CUL5: variants seen among roughly 807,000 people sequenced by gnomAD.
CUL5 encodes the protein cullin 5.
CUL5 carries 26 observed loss-of-function variants against 108.8 expected under a neutral mutation model. That is an observed-to-expected ratio of 0.24 (90% CI 0.18 to 0.33). The LOEUF (loss-of-function observed/expected upper bound fraction) is 0.33. CUL5 is among the 10% of genes least tolerant of loss of function. The pLI, the probability that CUL5 is intolerant of heterozygous loss-of-function variation, is 1.00. For synonymous variants in CUL5, 334 were observed against 298.0 expected (o/e 1.12, Z -1.25); for missense variants, 524 against 909.2 (o/e 0.58, Z 5.45).
chr11:108,043,360 C>T lies in CUL5; in HGVS notation c.135-2910C>T, dbSNP rs192398960. On this transcript the variant is annotated intron_variant, in intron 2 of 18. Transcript: ENST00000393094. ...GAGTGCTAGGATTACAGACATGAGC[C>T]AATATGCCTGGCCCAGTCTCTTCTT... 6.6e-5 allele frequency among the ~76,000 whole-genome samples: 10 copies of T among 152,320 alleles called. No homozygotes were observed. In the East Asian group the frequency reaches 1.9e-3, roughly 29 times the overall value.
At chr11:108,052,441 T>C (rs1272844671) in intron 4 of CUL5, among the ~76,000 whole-genome samples, 2 of 152,028 alleles carry the variant, frequency 1.3e-5, no homozygotes, top group African/African-American at 4.8e-5. Context: ...TTGTATTTTT[T>C]TGTAGAGACA....
Position 108,104,841 on chromosome 11 carries a change from T to C in CUL5, c.*457T>C, listed in dbSNP as rs1203630542. 1 of 152,790 alleles carries C rather than the reference T, an allele frequency of 6.5e-6. No homozygotes were observed. The highest frequency in any genetic ancestry group is 1.5e-5 in the Non-Finnish European group (1 of 68,152). 9.5% of individuals were successfully genotyped at this position (152,790 alleles called of 1,614,324 possible). On this transcript the variant is annotated 3_prime_UTR_variant, in exon 19 of 19. Transcript: ENST00000393094. ...GCAATTAAAACTAGAAATAGCACTC[T>C]TGGTTTCTTTTGATGAAAAGAGTGA...
At chr11:108,055,016 G>GGCAAATA (rs1365453467) in intron 7 of CUL5, 61 bp downstream of exon 7, 3 of 1,142,416 alleles carry the variant, frequency 2.6e-6, no homozygotes, top group Non-Finnish European at 3.8e-6. Context: ...GCATAGGAAT[G>GGCAAATA]GCAAATAAAC....
intron 9 of CUL5, 103 bp downstream of exon 9, chr11:108,072,565 G>A: frequency 1.0e-6 from 1 of 972,704 alleles, no homozygotes; most frequent in Non-Finnish European, 1.5e-6. Context: ...GGGGGTTGGG[G>A]GAGCAGAAGA....
In CUL5 at chr11:108,078,177, C is replaced by A; in HGVS notation, c.1115C>A (p.Ala372Glu). The A allele has an allele frequency of 6.5e-7, 1 of 1,528,940 alleles. No homozygotes were observed. The allele number at this position is 1,528,940 out of a possible 1,614,324, so 94.7% of individuals were successfully genotyped here. A position where few individuals can be genotyped will look rare whatever the true frequency, so the allele number is the denominator to read the frequency against. Reference sequence around the variant, plus strand: ...TTTATTCCAAATTATTTTTTGCAGGCGTATAAAGCAGTTGTTAATGATGCT... The same window carrying A: ...TTTATTCCAAATTATTTTTTGCAGGAGTATAAAGCAGTTGTTAATGATGCT... ...DPRFLTARDK[A>E]YKAVVNDATI... is the part of the protein sequence containing the mutation. The change falls in exon 11 of 19, where the codon GCG (alanine) becomes GAG (glutamate). Residue 372 changes from alanine to glutamate, a missense_variant and splice_region_variant. Transcript: ENST00000393094.
At chr11:108,024,720 C>A (rs1255038801) in intron 1 of CUL5, among the ~76,000 whole-genome samples, 1 of 152,080 alleles carries the variant, frequency 6.6e-6, no homozygotes, top group Non-Finnish European at 1.5e-5. Context: ...ACAACAGATA[C>A]CACATTACAA....
chr11:108,102,303 C>T (rs1009717083), intron 18 of CUL5, among the ~76,000 whole-genome samples: 2 of 152,028 alleles, frequency 1.3e-5, no homozygotes, highest in African/African-American at 4.8e-5. Context: ...GCTGGGATTA[C>T]AGGCGTGAGC....
chr11:108,106,441 A>C lies in CUL5; in HGVS notation c.*2057A>C, dbSNP rs1022890554. ...GTGGGTAACACTACATTCATAGCAA[A>C]GTTTTTTATTAAATTTTATAAATTT... is the stretch of plus-strand genomic sequence containing the variant. On this transcript the variant is annotated 3_prime_UTR_variant, in exon 19 of 19. Transcript: ENST00000393094. The C allele has an allele frequency of 3.3e-5, 5 of 152,450 alleles. No individual in the cohort carries two copies. The highest frequency in any genetic ancestry group is 1.3e-4 in the Admixed American group (2 of 15,256). 9.4% of individuals were successfully genotyped at this position (152,450 alleles called of 1,614,324 possible). A position where few individuals can be genotyped will look rare whatever the true frequency, so the allele number is the denominator to read the frequency against.
chr11:108,097,027 T>A (rs571137269), intron 16 of CUL5, among the ~76,000 whole-genome samples: 2 of 152,086 alleles, frequency 1.3e-5, no homozygotes, highest in African/African-American at 4.8e-5. Context: ...AGTTCCAGGT[T>A]TTTTTGTTGA....
intron 11 of CUL5, 45 bp downstream of exon 11, chr11:108,078,285 T>C (rs1219836362): frequency 2.7e-6 from 3 of 1,120,416 alleles, no homozygotes; most frequent in African/African-American, 3.2e-5. Context: ...AAATTTTCTT[T>C]AGTGTAATAG....
chr11:108,009,183 G>A lies in CUL5; in HGVS notation c.-166G>A. 1 of 666,710 alleles carries A rather than the reference G, an allele frequency of 1.5e-6. No homozygotes were observed. The highest frequency in any genetic ancestry group is 2.6e-6 in the Non-Finnish European group (1 of 378,442). The allele number at this position is 666,710 out of a possible 1,614,324, so 41.3% of individuals were successfully genotyped here. A position where few individuals can be genotyped will look rare whatever the true frequency, so the allele number is the denominator to read the frequency against. The stretch of plus-strand genomic sequence containing the variant: ...GGAGAAGAGTGAGGAAGCTCCTGGT[G>A]CTTGGGACGAGGTCAGCGCTGTCGG... On this transcript the variant is annotated 5_prime_UTR_variant, in exon 1 of 19. Transcript: ENST00000393094.
intron 7 of CUL5, among the ~76,000 whole-genome samples, chr11:108,063,930 A>G (rs981430606): frequency 6.6e-6 from 1 of 152,200 alleles, no homozygotes; most frequent in Non-Finnish European, 1.5e-5. Flanking sequence ...AAGCTACTTT[A>G]ACTGGGATGA....
At chr11:108,011,556 C>A (rs1284385071) in intron 1 of CUL5, among the ~76,000 whole-genome samples, 1 of 151,902 alleles carries the variant, frequency 6.6e-6, no homozygotes, top group African/African-American at 2.4e-5. Flanking sequence ...CTCTAGTGAA[C>A]TTTCTTGATG....
intron 2 of CUL5, among the ~76,000 whole-genome samples, chr11:108,040,695 A>G (rs1862878832): frequency 6.6e-6 from 1 of 151,848 alleles, no homozygotes; most frequent in South Asian, 2.1e-4. Context: ...TGAGGCAGAA[A>G]GATCCTTGAG....
At chr11:108,088,373 A>C (rs1408858376) in intron 11 of CUL5, among the ~76,000 whole-genome samples, 154 bp from the exon 12 acceptor site, 1 of 152,196 alleles carries the variant, frequency 6.6e-6, no homozygotes, top group Non-Finnish European at 1.5e-5. Context: ...GCCTCCCTAA[A>C]TTAGGCACCC....
rs1238414052 is a variant in CUL5 at position 108,078,314 on chromosome 11, A to G, written c.1178+74A>G. On this transcript the variant is annotated intron_variant, in intron 11 of 18. Transcript: ENST00000393094. ...GTAATAGGGGTTAACTAGGTATACA[A>G]AGTACCCTGTTAGGTTTATTTTTGT... The G allele has an allele frequency of 6.9e-6, 5 of 726,558 alleles. No individual in the cohort carries two copies. In the South Asian group the frequency reaches 9.2e-5, roughly 13 times the overall value. The allele number at this position is 726,558 out of a possible 1,614,324, so 45.0% of individuals were successfully genotyped here. A position where few individuals can be genotyped will look rare whatever the true frequency, so the allele number is the denominator to read the frequency against.
In CUL5 at chr11:108,049,780, C is replaced by G. The variant is rs1001160147; in HGVS notation, c.235-110C>G. ...TTTTAATTTCTTTTGGATATAAGAGCTTGTACAATAATTTAAAAATTATGT... is the reference window on the plus strand; with the variant it reads ...TTTTAATTTCTTTTGGATATAAGAGGTTGTACAATAATTTAAAAATTATGT... On this transcript the variant is annotated intron_variant, in intron 3 of 18. Transcript: ENST00000393094. The G allele has an allele frequency of 6.1e-6, 5 of 822,532 alleles. No homozygotes were observed. The African/African-American group carries it at 8.8e-5, about 14-fold the overall frequency. 51.0% of individuals were successfully genotyped at this position (822,532 alleles called of 1,614,324 possible).
chr11:108,100,471 C>T (rs886987251), intron 18 of CUL5, among the ~76,000 whole-genome samples: 3 of 151,918 alleles, frequency 2.0e-5, no homozygotes, highest in East Asian at 1.9e-4. Context: ...CTGAACCTGG[C>T]GGGCAGAGGT....
intron 8 of CUL5, 66 bp downstream of exon 8, chr11:108,070,255 A>C (rs1240447241): frequency 8.5e-7 from 1 of 1,181,760 alleles, no homozygotes; most frequent in African/African-American, 1.5e-5. Flanking sequence ...CAAATCACTT[A>C]CTAAGTTGCT....
Sources: allele counts gnomAD v4.1 joint callset (sites outside exome capture counted in the v4.1 genomes callset), GRCh38; gene constraint gnomAD v4.1.1; transcripts MANE v1.5; gene names NCBI Gene and HGNC (gene_info 2026-07-23, HGNC 2026-07-21).